SEMA3D: variants seen among roughly 807,000 people sequenced by gnomAD.
The protein encoded by SEMA3D is semaphorin 3D.
SEMA3D carries 84 observed loss-of-function variants against 100.1 expected under a neutral mutation model. The ratio of observed to expected loss-of-function variants is 0.84; its 90% CI spans 0.70 to 1.01. The LOEUF is 1.01. Among genes scored for constraint, SEMA3D ranks in the 50% least tolerant of loss-of-function variants. The pLI is 0.00. For missense variants in SEMA3D, 875 were observed against 934.1 expected (o/e 0.94, Z 0.82); for synonymous variants, 312 against 320.7 (o/e 0.97, Z 0.29).
chr7:85,233,204 C>A, the SEMA3D span, among the ~76,000 whole-genome samples: 1 of 151,412 alleles, frequency 6.6e-6, no homozygotes, highest in Non-Finnish European at 1.5e-5. Context: ...CTCTTCAATG[C>A]CAGGTGAAAT....
intron 9 of SEMA3D, among the ~76,000 whole-genome samples, chr7:85,052,190 C>T (rs60699241): frequency 0.011 from 1,706 of 152,024 alleles, 27 homozygotes; most frequent in African/African-American, 0.039. Flanking sequence ...AGGGAACAAC[C>T]TAACAGGTCT....
At chr7:85,185,971 G>C (rs1295576991) in intron 1 of SEMA3D, among the ~76,000 whole-genome samples, 2 of 152,116 alleles carry the variant, frequency 1.3e-5, no homozygotes, top group African/African-American at 4.8e-5. Flanking sequence ...CCACATTTCA[G>C]ACAGCCAGCT....
At chr7:85,023,264 C>T (rs1249537893) in intron 12 of SEMA3D, among the ~76,000 whole-genome samples, 2 of 151,786 alleles carry the variant, frequency 1.3e-5, no homozygotes, top group African/African-American at 4.8e-5. Context: ...TTAGCATGAC[C>T]TGCCCCCTGG....
intron 16 of SEMA3D, among the ~76,000 whole-genome samples, chr7:85,013,437 CATA>C (rs992664520): frequency 1.3e-5 from 2 of 151,420 alleles, no homozygotes; most frequent in African/African-American, 4.8e-5. Flanking sequence ...TAGTTATGAT[CATA>C]ATAATAATAA....
chr7:85,130,769 A>C (rs1257720083), intron 2 of SEMA3D, among the ~76,000 whole-genome samples: 76 of 152,160 alleles, frequency 5.0e-4, no homozygotes. Context: ...TTGTCATACA[A>C]GGTAAAAGAA....
At chr7:85,003,043 T>C in intron 18 of SEMA3D, among the ~76,000 whole-genome samples, 1 of 152,006 alleles carries the variant, frequency 6.6e-6, no homozygotes, top group East Asian at 1.9e-4. Context: ...GAAATTAGGA[T>C]TAAAAAATAA....
chr7:85,050,780 T>G, intron 9 of SEMA3D: 1 of 495,236 alleles, frequency 2.0e-6, no homozygotes. Context: ...ATAATGTAAC[T>G]TCAGCCTTTA....
chr7:85,241,501 C>T, the SEMA3D span, among the ~76,000 whole-genome samples: 2 of 95,786 alleles, frequency 2.1e-5, no homozygotes, highest in Non-Finnish European at 3.8e-5. Context: ...ATGAATACTA[C>T]TCAGCAATAA....
intron 1 of SEMA3D, among the ~76,000 whole-genome samples, chr7:85,160,665 C>T (rs1334815629): frequency 2.0e-5 from 3 of 151,984 alleles, no homozygotes; most frequent in Non-Finnish European, 2.9e-5. Flanking sequence ...GGTGTTCAGA[C>T]CCAGGCTTCT....
chr7:85,086,579 C>T (rs894435332), intron 4 of SEMA3D, among the ~76,000 whole-genome samples: 2 of 151,550 alleles, frequency 1.3e-5, no homozygotes, highest in South Asian at 4.2e-4. Flanking sequence ...ACATATATAA[C>T]AGCATTCCAC....
At chr7:85,013,129 G>T (rs1358982297) in intron 16 of SEMA3D, among the ~76,000 whole-genome samples, 1 of 151,528 alleles carries the variant, frequency 6.6e-6, no homozygotes, top group African/African-American at 2.4e-5. Context: ...AACAAAAAAG[G>T]TTAAATAAAA....
Position 85,095,298 on chromosome 7 carries a change from G to A in SEMA3D, c.312+2507C>T, listed in dbSNP as rs2214818. On this transcript the variant is annotated intron_variant, in intron 4 of 18. Transcript: ENST00000284136. ...GCCCATGGCAAATATGAATGATAAT[G>A]GCCTTTTTTTCAGTAGGCACAGCCT... is the stretch of plus-strand genomic sequence containing the variant. Among the ~76,000 whole-genome samples, 1,403 of 151,996 alleles carry A rather than the reference G, an allele frequency of 9.2e-3. 23 individuals carry two copies. The highest frequency in any genetic ancestry group is 0.032 in the African/African-American group (1,334 of 41,500).
the SEMA3D span, among the ~76,000 whole-genome samples, chr7:85,222,003 G>A: frequency 6.6e-6 from 1 of 152,050 alleles, no homozygotes. Flanking sequence ...GAAGGCTGCA[G>A]TGAGGTTTAG....
chr7:85,095,049 T>C (rs1788510026), intron 4 of SEMA3D, among the ~76,000 whole-genome samples: 1 of 152,046 alleles, frequency 6.6e-6, no homozygotes, highest in African/African-American at 2.4e-5. Context: ...ATTTTCTAGA[T>C]AGTGGAAATG....
At chr7:85,007,651 AT>A (rs1789836508) in intron 17 of SEMA3D, among the ~76,000 whole-genome samples, 1 of 151,834 alleles carries the variant, frequency 6.6e-6, no homozygotes. Flanking sequence ...AATACATTCC[AT>A]CTAGAGTAGC....
chr7:85,235,292 C>G, the SEMA3D span, among the ~76,000 whole-genome samples: 5 of 152,070 alleles, frequency 3.3e-5, no homozygotes, highest in African/African-American at 1.2e-4. Flanking sequence ...CAATTCTTGT[C>G]TAACAGAATT....
At chr7:85,126,032 T>C (rs1400490841) in intron 2 of SEMA3D, among the ~76,000 whole-genome samples, 1 of 152,034 alleles carries the variant, frequency 6.6e-6, no homozygotes, top group Non-Finnish European at 1.5e-5. Context: ...AATAGGGAGT[T>C]TTCTGATTAT....
intron 8 of SEMA3D, among the ~76,000 whole-genome samples, chr7:85,059,236 T>C (rs1791408968): frequency 6.6e-6 from 1 of 152,202 alleles, no homozygotes; most frequent in South Asian, 2.1e-4. Context: ...ACCCTATCTA[T>C]ATACGGGATG....
At chr7:85,231,010 T>C in the SEMA3D span, among the ~76,000 whole-genome samples, 2 of 152,224 alleles carry the variant, frequency 1.3e-5, no homozygotes, top group Non-Finnish European at 2.9e-5. Flanking sequence ...TAGTTTACAC[T>C]TTCTTGTCTT....
Sources: gnomAD v4.1 joint callset for allele counts (sites outside exome capture counted in the v4.1 genomes callset) on GRCh38, gnomAD v4.1.1 for gene constraint, MANE v1.5 for transcripts, NCBI Gene and HGNC (gene_info 2026-07-23, HGNC 2026-07-21) for gene names.